UNC13B: variants seen among roughly 807,000 people sequenced by gnomAD.
UNC13B encodes the protein protein unc-13 homolog B.
UNC13B carries 144 observed loss-of-function variants against 211.0 expected under a neutral mutation model. The observed-to-expected ratio is 0.68, with a 90% CI of 0.60 to 0.78. UNC13B has a LOEUF of 0.78. UNC13B is among the 30% of genes least tolerant of loss of function. UNC13B has a pLI of 0.00. For synonymous variants in UNC13B, 709 were observed against 725.8 expected, an observed-to-expected ratio of 0.98 and a Z score of 0.37; for missense variants, 1,777 against 2,002.0, an observed-to-expected ratio of 0.89 and a Z score of 2.14.
At chr9:35,225,236 C>T (rs1037167823) in intron 1 of UNC13B, among the ~76,000 whole-genome samples, 1 of 152,182 alleles carries the variant, frequency 6.6e-6, no homozygotes. Flanking sequence ...TCTCAGCTCA[C>T]TTCAACCTCT....
intron 1 of UNC13B, among the ~76,000 whole-genome samples, chr9:35,224,573 G>A (rs961464604): frequency 2.0e-5 from 3 of 152,142 alleles, no homozygotes; most frequent in African/African-American, 7.2e-5. Context: ...CATGTCATGT[G>A]CAAAGAGGGA....
rs188454930 is a variant in UNC13B, at chr9:35,177,041, C to T, written c.22+14736C>T. 3.0e-3 allele frequency among the ~76,000 whole-genome samples: 462 copies of T among 152,258 alleles called. 1 individual carries two copies. Among genetic ancestry groups the T allele is most frequent in the Admixed American group, 4.9e-3 (75 of 15,294 alleles). Reference sequence around the variant, plus strand: ...CTGACCTCAGGTGATCCACCCGCCTCGGCCTCCCAAAGTGCTAGGATTACA... The same window carrying T: ...CTGACCTCAGGTGATCCACCCGCCTTGGCCTCCCAAAGTGCTAGGATTACA... On this transcript the variant is annotated intron_variant, in intron 1 of 39. Transcript: ENST00000635942.
intron 1 of UNC13B, among the ~76,000 whole-genome samples, chr9:35,183,612 A>G (rs1396771397): frequency 2.7e-5 from 4 of 145,682 alleles, no homozygotes; most frequent in Admixed American, 6.8e-5. Flanking sequence ...CTCACCTCCC[A>G]GACGGGGCGG....
chr9:35,324,072 C>A (rs1830878106), intron 11 of UNC13B, among the ~76,000 whole-genome samples: 1 of 152,100 alleles, frequency 6.6e-6, no homozygotes, highest in Admixed American at 6.5e-5. Context: ...TTATTAGGCC[C>A]ACTTTATTGA....
intron 26 of UNC13B, among the ~76,000 whole-genome samples, 155 bp from the exon 27 acceptor site, chr9:35,396,321 T>C (rs1047076383): frequency 3.9e-5 from 6 of 152,072 alleles, no homozygotes; most frequent in African/African-American, 1.4e-4. Flanking sequence ...AGCAGAACAC[T>C]GTTGGGGAGA....
At chr9:35,165,049 G>A (rs919031405) in intron 1 of UNC13B, among the ~76,000 whole-genome samples, 1 of 152,174 alleles carries the variant, frequency 6.6e-6, no homozygotes, top group African/African-American at 2.4e-5. Flanking sequence ...ATCTTAAGAG[G>A]GGAGTGATTA....
intron 11 of UNC13B, among the ~76,000 whole-genome samples, chr9:35,325,636 T>C (rs1830963738): frequency 6.6e-6 from 1 of 152,192 alleles, no homozygotes; most frequent in South Asian, 2.1e-4. Flanking sequence ...TTAAGTGGTA[T>C]TTAATATAGT....
Position 35,342,973 on chromosome 9 carries a change from T to A in UNC13B, c.9415-23974T>A, listed in dbSNP as rs148915612. Among the ~76,000 whole-genome samples, 361 of 152,372 alleles carry A rather than the reference T, an allele frequency of 2.4e-3. 1 individual carries two copies. Among genetic ancestry groups the A allele is most frequent in the African/African-American group, 8.2e-3 (342 of 41,590 alleles). ...CTAATGTATTAATTCATCCCTTTCA[T>A]GTGTGTATATGCCATATAAACAGAA... On this transcript the variant is annotated intron_variant, in intron 11 of 39. Coordinates refer to ENST00000635942, the MANE Select transcript of UNC13B (RefSeq NM_001371189.2).
intron 1 of UNC13B, among the ~76,000 whole-genome samples, chr9:35,224,511 T>C (rs1278216469): frequency 6.6e-6 from 1 of 152,240 alleles, no homozygotes; most frequent in African/African-American, 2.4e-5. Flanking sequence ...ATTGATCAGA[T>C]CTAGAGTTAA....
chr9:35,385,262 A>G, intron 22 of UNC13B: 1 of 985,450 alleles, frequency 1.0e-6, no homozygotes, highest in Non-Finnish European at 1.2e-6. Flanking sequence ...AGAACAGTAG[A>G]AGAGCTGGGT....
chr9:35,340,910 C>T (rs1831952569), intron 11 of UNC13B, among the ~76,000 whole-genome samples: 3 of 152,156 alleles, frequency 2.0e-5, no homozygotes, highest in African/African-American at 7.2e-5. Flanking sequence ...TGTGCTCGGA[C>T]ATTATGTTGC....
At chr9:35,403,067 T>C in intron 37 of UNC13B, 100 bp from the exon 38 acceptor site, 1 of 955,918 alleles carries the variant, frequency 1.0e-6, no homozygotes. Context: ...ACTGTGGTGA[T>C]TGCTTCTTGC....
At position 35,378,336 on chromosome 9, in the gene UNC13B, T is replaced by C; in HGVS notation, c.10105T>C (p.Ser3369Pro). Residue 3369 changes from serine (S) to proline (P), a missense_variant, in exon 17 of 40, where the codon TCC becomes CCC. By Grantham distance (74) the Ser-to-Pro change is moderately conservative (BLOSUM62 -1). Coordinates refer to ENST00000635942, the MANE Select transcript of UNC13B (RefSeq NM_001371189.2). ...CCTACAAGCCAAGGACAAAACAGGA[T>C]CCAGTGACCCTTACGTGACTGTGCA... Reference protein sequence around the residue: ...QGLQAKDKTGSSDPYVTVQVS... With the variant: ...QGLQAKDKTGPSDPYVTVQVS... 1 of 1,614,128 alleles carries C rather than the reference T, an allele frequency of 6.2e-7. No individual in the cohort carries two copies. Among genetic ancestry groups the C allele is most frequent in the Non-Finnish European group, 8.5e-7 (1 of 1,180,010 alleles).
At chr9:35,384,529 G>GTTTT in intron 22 of UNC13B, 1 of 985,434 alleles carries the variant, frequency 1.0e-6, no homozygotes, top group Non-Finnish European at 1.2e-6. Context: ...AGTTTTTATA[G>GTTTT]ACAGTTGTCT....
At chr9:35,221,349 C>T (rs575138011) in intron 1 of UNC13B, among the ~76,000 whole-genome samples, 7 of 152,306 alleles carry the variant, frequency 4.6e-5, no homozygotes, top group Admixed American at 2.6e-4. Context: ...GGATTACATG[C>T]GTGAGCCACC....
intron 1 of UNC13B, among the ~76,000 whole-genome samples, chr9:35,177,361 G>A (rs1189166318): frequency 1.3e-5 from 2 of 152,164 alleles, no homozygotes; most frequent in Admixed American, 1.3e-4. Context: ...ATAAGACCGA[G>A]GAAGGGGCAG....
chr9:35,402,324 C>A (rs1367472962), intron 37 of UNC13B, among the ~76,000 whole-genome samples: 2 of 151,034 alleles, frequency 1.3e-5, no homozygotes, highest in African/African-American at 4.9e-5. Context: ...CTCTGTCGCC[C>A]AGGCTGGAGT....
At chr9:35,288,213 C>T (rs925964350) in intron 7 of UNC13B, among the ~76,000 whole-genome samples, 1 of 152,138 alleles carries the variant, frequency 6.6e-6, no homozygotes, top group Non-Finnish European at 1.5e-5. Flanking sequence ...TTCTACCCAA[C>T]CAACCACCAT....
chr9:35,371,060 GTT>G (rs1834084255), intron 13 of UNC13B, among the ~76,000 whole-genome samples: 35 of 152,182 alleles, frequency 2.3e-4, no homozygotes, highest in Admixed American at 7.2e-4. Context: ...TGAGGTCCAG[GTT>G]CTCTCAGAGC....
Sources: allele counts gnomAD v4.1 joint callset (sites outside exome capture counted in the v4.1 genomes callset), GRCh38; gene constraint gnomAD v4.1.1; transcripts MANE v1.5; gene names NCBI Gene and HGNC (gene_info 2026-07-23, HGNC 2026-07-21).